TMEM132D: variants seen among roughly 807,000 people sequenced by gnomAD.
TMEM132D encodes the protein transmembrane protein 132D.
TMEM132D carries 21 observed loss-of-function variants against 62.3 expected under a neutral mutation model. The ratio of observed to expected loss-of-function variants is 0.34; its 90% confidence interval spans 0.24 to 0.49. TMEM132D has a LOEUF of 0.49. Among genes scored for constraint, TMEM132D ranks in the 20% least tolerant of loss-of-function variants. The pLI is 0.99. For synonymous variants in TMEM132D, 621 were observed against 575.6 expected, an observed-to-expected ratio of 1.08 and a Z score of -1.13; for missense variants, 1,346 against 1,402.8, an observed-to-expected ratio of 0.96 and a Z score of 0.65.
intron 4 of TMEM132D, among the ~76,000 whole-genome samples, chr12:129,283,643 G>C (rs1392440617): frequency 2.0e-5 from 3 of 152,184 alleles, no homozygotes; most frequent in Admixed American, 2.0e-4. Context: ...CCTTCGACAT[G>C]ATGGGGAGAC....
chr12:129,143,875 T>C (rs368218025), intron 5 of TMEM132D, among the ~76,000 whole-genome samples: 6 of 152,220 alleles, frequency 3.9e-5, no homozygotes, highest in African/African-American at 1.2e-4. Context: ...AGAACTCAAA[T>C]TGTGCCCTTC....
At position 129,511,327 on chromosome 12, in the gene TMEM132D, T is replaced by C. The variant is rs369814715; in HGVS notation, c.1115+19732A>G. On this transcript the variant is annotated intron_variant, in intron 3 of 8. Coordinates refer to ENST00000422113, the MANE Select transcript of TMEM132D (RefSeq NM_133448.3). ...CTGGCTTCTTTCAGTCAGCCCCAAT[T>C]TTTTTTGCAATGCATCTGTGTTATG... is the stretch of plus-strand genomic sequence containing the variant. Among the ~76,000 whole-genome samples the C allele has an allele frequency of 2.5e-4, 38 of 152,274 alleles. No individual in the cohort carries two copies. In the South Asian group the frequency reaches 7.5e-3, roughly 30 times the overall value.
chr12:129,820,580 C>T lies in TMEM132D; in HGVS notation c.79+82681G>A, dbSNP rs191896646. Among the ~76,000 whole-genome samples, 15 of 152,254 alleles carry T rather than the reference C, an allele frequency of 9.9e-5. No homozygotes were observed. The East Asian group carries it at 2.1e-3, about 22-fold the overall frequency. On this transcript the variant is annotated intron_variant, in intron 1 of 8. Coordinates refer to ENST00000422113, the MANE Select transcript of TMEM132D (RefSeq NM_133448.3). Reference sequence around the variant, plus strand: ...ACTCATTTAATTCAAAATATATTTACTTATGTTTTCATGCCCAAAACTTTC... The same window carrying T: ...ACTCATTTAATTCAAAATATATTTATTTATGTTTTCATGCCCAAAACTTTC...
At chr12:129,251,135 G>A (rs2135590227) in intron 4 of TMEM132D, among the ~76,000 whole-genome samples, 1 of 151,988 alleles carries the variant, frequency 6.6e-6, no homozygotes, top group African/African-American at 2.4e-5. Flanking sequence ...AGGTGGGTGG[G>A]TTGCCTGAGC....
At position 129,535,775 on chromosome 12, in the gene TMEM132D, TGC is replaced by T. The variant is rs1555263417; in HGVS notation, c.969-4572_969-4571del. ...TTGGGAGATTCATTTAAGATTTGTG[TGC>T]GTGTGTGTGTGTGTGTGTGTGTGTG... On this transcript the variant is annotated intron_variant, in intron 2 of 8. Coordinates refer to ENST00000422113, the MANE Select transcript of TMEM132D (RefSeq NM_133448.3). Among the ~76,000 whole-genome samples the T allele has an allele frequency of 6.8e-3, 560 of 82,584 alleles. 2 individuals are homozygous for T. The highest frequency in any genetic ancestry group is 0.019 in the African/African-American group (229 of 12,210). 54.2% of individuals were successfully genotyped at this position (82,584 alleles called of 152,430 possible).
intron 5 of TMEM132D, among the ~76,000 whole-genome samples, chr12:129,126,004 C>T (rs560963601): frequency 9.9e-5 from 15 of 152,218 alleles, no homozygotes; most frequent in African/African-American, 2.6e-4. Context: ...AGAACATTCC[C>T]GGGGGGCCAG....
chr12:129,438,112 C>G (rs1021537606), intron 3 of TMEM132D, among the ~76,000 whole-genome samples: 1 of 152,040 alleles, frequency 6.6e-6, no homozygotes, highest in African/African-American at 2.4e-5. Flanking sequence ...TGAATATGTA[C>G]CACATTCTTT....
At chr12:129,894,977 C>T (rs1361115068) in intron 1 of TMEM132D, among the ~76,000 whole-genome samples, 2 of 152,324 alleles carry the variant, frequency 1.3e-5, no homozygotes, top group East Asian at 1.9e-4. Context: ...AAAGGCCTTA[C>T]CACTCCACCC....
intron 2 of TMEM132D, among the ~76,000 whole-genome samples, chr12:129,638,380 C>T (rs1879542527): frequency 6.6e-6 from 1 of 151,720 alleles, no homozygotes; most frequent in Non-Finnish European, 1.5e-5. Flanking sequence ...AGCTCACTTA[C>T]CTCGATTACA....
At chr12:129,417,657 T>C (rs772070515) in intron 3 of TMEM132D, among the ~76,000 whole-genome samples, 120 of 152,242 alleles carry the variant, frequency 7.9e-4, no homozygotes, top group South Asian at 2.9e-3. Context: ...ACTTAACTAC[T>C]AAAACACCAA....
intron 2 of TMEM132D, among the ~76,000 whole-genome samples, chr12:129,615,233 G>T (rs1303203642): frequency 6.6e-6 from 1 of 151,958 alleles, no homozygotes. Flanking sequence ...TTTTGTCTGG[G>T]GATGAATCAC....
In TMEM132D at chr12:129,705,919, G is replaced by A. The variant is rs558547212; in HGVS notation, c.80-5221C>T. Among the ~76,000 whole-genome samples, 11 of 152,216 alleles carry A rather than the reference G, an allele frequency of 7.2e-5. No homozygotes were observed. In the South Asian group the frequency reaches 1.9e-3, roughly 26 times the overall value. ...GTGGACTAAATTTGTATCTTCATAA[G>A]AGATATCAGTAGATATGGCTTTATT... On this transcript the variant is annotated intron_variant, in intron 1 of 8. Transcript: ENST00000422113.
chr12:129,785,900 CAT>C (rs35074031), intron 1 of TMEM132D, among the ~76,000 whole-genome samples: 32,137 of 152,124 alleles, frequency 0.21, 3,465 homozygotes, highest in South Asian at 0.31. Context: ...TCAGATAAAA[CAT>C]AATTTTATCA....
At chr12:129,623,878 C>T (rs757927456) in intron 2 of TMEM132D, among the ~76,000 whole-genome samples, 6 of 152,016 alleles carry the variant, frequency 3.9e-5, no homozygotes, top group Non-Finnish European at 8.8e-5. Flanking sequence ...TAAACATACA[C>T]ATGCCAGTGT....
At chr12:129,256,098 G>A (rs907919633) in intron 4 of TMEM132D, among the ~76,000 whole-genome samples, 1 of 152,184 alleles carries the variant, frequency 6.6e-6, no homozygotes, top group Non-Finnish European at 1.5e-5. Flanking sequence ...TTGATTTATT[G>A]AGACAGAGTC....
chr12:129,230,307 A>AG (rs10668079), intron 4 of TMEM132D, among the ~76,000 whole-genome samples: 2,686 of 140,628 alleles, frequency 0.019, 103 homozygotes, highest in African/African-American at 0.061. Flanking sequence ...TCTGTGTTGG[A>AG]GGGGGGGGGC....
chr12:129,724,639 C>T (rs867803189), intron 1 of TMEM132D, among the ~76,000 whole-genome samples: 30 of 152,222 alleles, frequency 2.0e-4, no homozygotes, highest in African/African-American at 5.3e-4. Context: ...TCTCCTGCCT[C>T]AGCCTCCTGA....
intron 4 of TMEM132D, among the ~76,000 whole-genome samples, chr12:129,219,975 T>C (rs1405211721): frequency 6.6e-6 from 1 of 152,168 alleles, no homozygotes; most frequent in Non-Finnish European, 1.5e-5. Flanking sequence ...ACTTCTTGAA[T>C]TGCTAATATA....
At chr12:129,474,404 G>T (rs1205256994) in intron 3 of TMEM132D, among the ~76,000 whole-genome samples, 1 of 152,114 alleles carries the variant, frequency 6.6e-6, no homozygotes, top group East Asian at 1.9e-4. Context: ...TCTCAGCTGA[G>T]GGTTGAAGAA....
Sources: gnomAD v4.1 joint callset for allele counts (sites outside exome capture counted in the v4.1 genomes callset) on GRCh38, gnomAD v4.1.1 for gene constraint, MANE v1.5 for transcripts, NCBI Gene and HGNC (gene_info 2026-07-23, HGNC 2026-07-21) for gene names.